The following CNIH3 variants were observed in gnomAD, a reference collection of about 807,000 sequenced individuals.
CNIH3 encodes cornichon family AMPA receptor auxiliary protein 3, also known as protein cornichon homolog 3.
A neutral mutation model predicts 24.1 loss-of-function variants in CNIH3; 14 were observed. The observed-to-expected ratio is 0.58, with a 90% CI of 0.38 to 0.91. The LOEUF (loss-of-function observed/expected upper bound fraction) is 0.91. Ranked by LOEUF, CNIH3 falls within the 40% of genes least tolerant of loss-of-function variation. The pLI is 0.00. For synonymous variants in CNIH3, 68 were observed against 73.8 expected (o/e 0.92, Z 0.40); for missense variants, 178 against 196.8 (o/e 0.90, Z 0.57).
intron 3 of CNIH3, among the ~76,000 whole-genome samples, chr1:224,689,259 A>C (rs1383370835): frequency 6.6e-6 from 1 of 152,178 alleles, no homozygotes; most frequent in Non-Finnish European, 1.5e-5. Context: ...GTGCTCATAG[A>C]GGTGTGTGAG....
At chr1:224,567,128 G>A (rs1048941508) in intron 4 of CNIH3, among the ~76,000 whole-genome samples, 1 of 152,156 alleles carries the variant, frequency 6.6e-6, no homozygotes, top group Non-Finnish European at 1.5e-5. Flanking sequence ...GTGATGATGA[G>A]CATTTTTTCA....
chr1:224,484,326 C>T (rs746030951), intron 1 of CNIH3, among the ~76,000 whole-genome samples: 6 of 148,586 alleles, frequency 4.0e-5, no homozygotes, highest in Non-Finnish European at 5.9e-5. Context: ...GCTACTGGGG[C>T]GGCTGAGGCA....
At chr1:224,511,674 C>T (rs191040665), upstream of CNIH3, among the ~76,000 whole-genome samples, 56 of 150,766 alleles carry the variant, frequency 3.7e-4, no homozygotes, top group Non-Finnish European at 6.1e-4. Flanking sequence ...GGCAACATAG[C>T]GAGACTCCTT....
chr1:224,585,819 A>C (rs1369368615), intron 5 of CNIH3, among the ~76,000 whole-genome samples: 1 of 152,148 alleles, frequency 6.6e-6, no homozygotes, highest in East Asian at 1.9e-4. Flanking sequence ...CAGTTCCTGC[A>C]CATACACATG....
chr1:224,644,824 C>A (rs756315), intron 1 of CNIH3, among the ~76,000 whole-genome samples: 2,208 of 152,312 alleles, frequency 0.014, 34 homozygotes, highest in Non-Finnish European at 0.022. Context: ...GAGGCTCAGG[C>A]AAATGCCAGT....
intron 1 of CNIH3, among the ~76,000 whole-genome samples, chr1:224,650,259 G>C (rs982872989): frequency 2.0e-5 from 3 of 152,144 alleles, no homozygotes; most frequent in Non-Finnish European, 4.4e-5. Flanking sequence ...AACCTCCACT[G>C]TGAAGACTGA....
chr1:224,629,263 T>C (rs1164913353), intron 1 of CNIH3, among the ~76,000 whole-genome samples: 1 of 150,818 alleles, frequency 6.6e-6, no homozygotes, highest in Non-Finnish European at 1.5e-5. Flanking sequence ...CACCTCAGCC[T>C]CCCAAAGTGC....
chr1:224,559,478 C>T (rs796545140), intron 3 of CNIH3, among the ~76,000 whole-genome samples: 1 of 152,244 alleles, frequency 6.6e-6, no homozygotes, highest in African/African-American at 2.4e-5. Context: ...GATCCTCCTG[C>T]CTCAGCCTTC....
intron 3 of CNIH3, among the ~76,000 whole-genome samples, chr1:224,560,998 T>C (rs1330688519): frequency 2.0e-5 from 3 of 152,218 alleles, no homozygotes; most frequent in African/African-American, 4.8e-5. Context: ...TCAGCACCTA[T>C]ATATGTTTAC....
At chr1:224,538,326 C>T (rs1200050259), downstream of CNIH3, among the ~76,000 whole-genome samples, 1 of 152,138 alleles carries the variant, frequency 6.6e-6, no homozygotes, top group Non-Finnish European at 1.5e-5. Context: ...CTTAATTCAT[C>T]CCATAAGAGT....
At chr1:224,583,757 A>T (rs920702983) in intron 5 of CNIH3, among the ~76,000 whole-genome samples, 5 of 152,206 alleles carry the variant, frequency 3.3e-5, no homozygotes. Flanking sequence ...CAATTTTGTT[A>T]TATTCCCTGG....
At chr1:224,521,870 G>C (rs975899249) in intron 2 of CNIH3, among the ~76,000 whole-genome samples, 6 of 152,108 alleles carry the variant, frequency 3.9e-5, no homozygotes, top group Non-Finnish European at 8.8e-5. Flanking sequence ...TTGTATGTAA[G>C]TTAGTTTGAG....
intron 1 of CNIH3, among the ~76,000 whole-genome samples, chr1:224,469,498 G>T (rs764198230): frequency 1.4e-4 from 22 of 152,044 alleles, no homozygotes; most frequent in Non-Finnish European, 2.4e-4. Context: ...TAATTTTAAA[G>T]AATTTTTTAT....
chr1:224,651,366 C>T (rs1241513002), intron 1 of CNIH3, among the ~76,000 whole-genome samples: 4 of 152,140 alleles, frequency 2.6e-5, no homozygotes, highest in Non-Finnish European at 5.9e-5. Context: ...CGGGCACACA[C>T]GTAATTTTAC....
At chr1:224,467,984 TA>T (rs909528274) in intron 1 of CNIH3, among the ~76,000 whole-genome samples, 20 of 152,086 alleles carry the variant, frequency 1.3e-4, no homozygotes, top group Admixed American at 3.9e-4. Context: ...CTTTTTTCTT[TA>T]AAAAAATCAG....
At chr1:224,700,173 C>A (rs1167498842) in intron 3 of CNIH3, among the ~76,000 whole-genome samples, 1 of 152,206 alleles carries the variant, frequency 6.6e-6, no homozygotes, top group Non-Finnish European at 1.5e-5. Context: ...ACTAATAAAA[C>A]CCCACGTCTT....
At chr1:224,532,805 A>G (rs1189961021) in intron 2 of CNIH3, among the ~76,000 whole-genome samples, 2 of 152,188 alleles carry the variant, frequency 1.3e-5, no homozygotes, top group Admixed American at 1.3e-4. Flanking sequence ...AAGACTTTAT[A>G]TATATCAGGT....
At chr1:224,683,747 G>C (rs890232189) in intron 2 of CNIH3, among the ~76,000 whole-genome samples, 1 of 152,346 alleles carries the variant, frequency 6.6e-6, no homozygotes, top group South Asian at 2.1e-4. Flanking sequence ...AGTAATGGTA[G>C]ATGTTGTCCT....
At chr1:224,463,414 C>CTT (rs35920703) in intron 1 of CNIH3, among the ~76,000 whole-genome samples, 33 of 147,298 alleles carry the variant, frequency 2.2e-4, no homozygotes, top group African/African-American at 6.4e-4. Flanking sequence ...GAATACAAGT[C>CTT]TTTTTTTTTT....
Sources: allele counts gnomAD v4.1 joint callset (sites outside exome capture counted in the v4.1 genomes callset), GRCh38; gene constraint gnomAD v4.1.1; transcripts MANE v1.5; gene names NCBI Gene and HGNC (gene_info 2026-07-23, HGNC 2026-07-21).